The following UBA7 variants were observed in gnomAD, a reference collection of about 807,000 sequenced individuals.
UBA7 encodes ubiquitin like modifier activating enzyme 7, also known as ubiquitin-like modifier-activating enzyme 7.
Under a neutral mutation model 113.0 loss-of-function variants are expected in UBA7, and 88 were observed. The observed-to-expected ratio is 0.78, with a 90% CI of 0.66 to 0.93. UBA7 has a LOEUF of 0.93. UBA7 is among the 40% of genes least tolerant of loss of function. The pLI, the probability that UBA7 is intolerant of heterozygous loss-of-function variation, is 0.00. For synonymous variants in UBA7, 459 were observed against 513.0 expected (o/e 0.89, Z 1.42); for missense variants, 1,092 against 1,266.4 (o/e 0.86, Z 2.09).
At chr3:49,809,920 C>G (rs1463521033) in intron 14 of UBA7, 41 bp from the exon 15 acceptor site, 5 of 1,614,034 alleles carry the variant, frequency 3.1e-6, no homozygotes, top group Non-Finnish European at 4.2e-6. Flanking sequence ...AGGTGGAGAA[C>G]AGGTCTGCAG....
At position 49,809,133 on chromosome 3, in the gene UBA7, T is replaced by C. The variant is rs2081500976; in HGVS notation, c.2190A>G (p.Ala730=). 1 of 1,612,780 alleles carries C rather than the reference T, an allele frequency of 6.2e-7. No homozygotes were observed. The highest frequency in any genetic ancestry group is 1.3e-5 in the African/African-American group (1 of 74,922). Residue 730 remains alanine (A), a synonymous_variant, in exon 18 of 24, where the codon GCA becomes GCG. Coordinates refer to ENST00000333486, the MANE Select transcript of UBA7 (RefSeq NM_003335.3). The part of the protein sequence containing the change: ...NQDTHLLYVL[A]AANLYAQMHG... ...GCATCTGGGCATACAGGTTGGCAGC[T>C]GCCAGTACGTAGAGGAGGTGTGTGT...
intron 23 of UBA7, among the ~76,000 whole-genome samples, 154 bp downstream of exon 23, chr3:49,805,743 A>G (rs1575365513): frequency 6.6e-6 from 1 of 151,910 alleles, no homozygotes; most frequent in Non-Finnish European, 1.5e-5. Context: ...CCCTCACCCC[A>G]CCTCCAGCCT....
Position 49,807,805 on chromosome 3 carries a change from G to A in UBA7, c.2646C>T (p.Arg882=), listed in dbSNP as rs2081478874. ...TTTCAGCCAGATGTAGGTAGCTGTG[G>A]CGAAAGGCACTACGAGGCCGTGGCC... The part of the protein sequence containing the change: ...VSGPRPRSAF[R]HSYLHLAENY... The change falls in exon 21 of 24, where the codon CGC becomes CGT. Residue 882 remains arginine (R), a synonymous_variant. Coordinates refer to ENST00000333486, the MANE Select transcript of UBA7 (RefSeq NM_003335.3). The surrounding 1 kb of genome is among the most constrained non-coding windows in gnomAD (Gnocchi z 4.0). The A allele has an allele frequency of 2.5e-6, 4 of 1,614,108 alleles. No homozygotes were observed. The East Asian group carries it at 8.9e-5, about 36-fold the overall frequency.
chr3:49,811,865 C>T lies in UBA7; in HGVS notation c.939+5G>A. Reference sequence around the variant, plus strand: ...GCTGGGGGTGGGAGCAACAGGACTACTCACAGGATCCCAGGGCTGGGGTGG... The same window carrying T: ...GCTGGGGGTGGGAGCAACAGGACTATTCACAGGATCCCAGGGCTGGGGTGG... On this transcript the variant is annotated splice_donor_5th_base_variant and intron_variant, in intron 8 of 23. Coordinates refer to ENST00000333486, the MANE Select transcript of UBA7 (RefSeq NM_003335.3). 4 of 1,613,060 alleles carry T rather than the reference C, an allele frequency of 2.5e-6. No homozygotes were observed. The highest frequency in any genetic ancestry group is 3.4e-6 in the Non-Finnish European group (4 of 1,179,940).
chr3:49,810,003 G>T lies in UBA7; in HGVS notation c.1814C>A (p.Pro605His). Residue 605 changes from proline (P) to histidine (H), a missense_variant, in exon 14 of 24, where the codon CCT becomes CAT. Pro to His is a moderately conservative substitution (Grantham distance 77). Coordinates refer to ENST00000333486, the MANE Select transcript of UBA7 (RefSeq NM_003335.3). This position sits in a 1 kb window ranked among gnomAD's most constrained non-coding sequence, Gnocchi z 5.6. ...CTGCAGGGTGTGCTCGGCTGTGCTA[G>T]GGAAGTACCGCACGGTACAGACAGG... Reference protein sequence around the residue: ...PYPVCTVRYFPSTAEHTLQWA... With the variant: ...PYPVCTVRYFHSTAEHTLQWA... 8.7e-6 allele frequency: 14 copies of T among 1,613,836 alleles called. No individual in the cohort carries two copies. The highest frequency in any genetic ancestry group is 1.2e-5 in the Non-Finnish European group (14 of 1,179,936).
At chr3:49,812,294 T>A in intron 6 of UBA7, 88 bp from the exon 7 acceptor site, 1 of 1,610,704 alleles carries the variant, frequency 6.2e-7, no homozygotes, top group South Asian at 1.1e-5. Flanking sequence ...GTCCCAGACC[T>A]TGCTGCACCT....
intron 8 of UBA7, 158 bp downstream of exon 8, chr3:49,811,712 A>T: frequency 2.2e-6 from 3 of 1,333,432 alleles, no homozygotes; most frequent in Non-Finnish European, 3.1e-6. Flanking sequence ...AGGAGTCCCC[A>T]GGATGTGTGC....
At position 49,810,916 on chromosome 3, in the gene UBA7, G is replaced by T; in HGVS notation, c.1230+68C>A. 6.2e-7 allele frequency: 1 copy of T among 1,608,568 alleles called. No individual in the cohort carries two copies. The highest frequency in any genetic ancestry group is 8.5e-7 in the Non-Finnish European group (1 of 1,175,102). On this transcript the variant is annotated intron_variant, in intron 10 of 23. Coordinates refer to ENST00000333486, the MANE Select transcript of UBA7 (RefSeq NM_003335.3). The surrounding 1 kb of genome is among the most constrained non-coding windows in gnomAD (Gnocchi z 5.6). ...AGTTTTCTGAATCAGGACCTGGAGG[G>T]CATTCCTCATGCTTCTCCCCTAGTC...
Position 49,810,033 on chromosome 3 carries a change from G to A in UBA7, c.1784C>T (p.Pro595Leu). ...GTACCGCACGGTACAGACAGGGTAG[G>A]GGGCATCCTCAGAAGCTGCAGCTGA... ...PASAAASEDA[P>L]YPVCTVRYFP... The change falls in exon 14 of 24, where the codon CCC (proline) becomes CTC (leucine). Residue 595 changes from proline to leucine, a missense_variant. By Grantham distance (98) the Pro-to-Leu change is moderately conservative. Coordinates refer to ENST00000333486, the MANE Select transcript of UBA7 (RefSeq NM_003335.3). The surrounding 1 kb of genome is among the most constrained non-coding windows in gnomAD (Gnocchi z 5.6). 6.2e-7 allele frequency: 1 copy of A among 1,613,792 alleles called. No homozygotes were observed. The highest frequency in any genetic ancestry group is 2.2e-5 in the East Asian group (1 of 44,874).
rs143528501 is a variant in UBA7 at position 49,809,628 on chromosome 3, C to T, written c.2002G>A (p.Asp668Asn). The part of the protein sequence containing the change: ...VLRVRPQNWQ[D>N]CVAWALGHWK... ...TGGCCAAGAGCCCACGCCACACAGT[C>T]TTGCCAGTTCTGTGGACGCACTCTC... is the stretch of plus-strand genomic sequence containing the variant. Residue 668 changes from aspartate (D) to asparagine (N), a missense_variant, in exon 16 of 24, where the codon GAC becomes AAC. Transcript: ENST00000333486. 1.1e-4 allele frequency: 185 copies of T among 1,614,010 alleles called. No individual in the cohort carries two copies. The highest frequency in any genetic ancestry group is 1.5e-4 in the Non-Finnish European group (180 of 1,180,048).
Position 49,813,275 on chromosome 3 carries a change from T to G in UBA7, c.334A>C (p.Thr112Pro). 1.2e-6 allele frequency: 2 copies of G among 1,614,132 alleles called. No homozygotes were observed. The change falls in exon 3 of 24, where the codon ACT becomes CCT. Residue 112 changes from threonine to proline, a missense_variant. Coordinates refer to ENST00000333486, the MANE Select transcript of UBA7 (RefSeq NM_003335.3). ...TGGAAGTCCAACAGCAGGTCCTCAG[T>G]GATGTCACCCGTGTGCACGACGACC... ...VQVVVHTGDI[T>P]EDLLLDFQVV...
rs748041125 is a variant in UBA7 at position 49,805,900 on chromosome 3, A to AG, written c.2905dup (p.Leu969ProfsTer29). 6.4e-7 allele frequency: 1 copy of AG among 1,552,826 alleles called. No individual in the cohort carries two copies. The highest frequency in any genetic ancestry group is 2.4e-5 in the East Asian group (1 of 41,042). ...CTAAAGCCCCAAGTGGGCTCACCTGAGGGGCAGGTGCTGGGCCTGCTTTTC... is the reference window on the plus strand; with the variant it reads ...CTAAAGCCCCAAGTGGGCTCACCTGAGGGGGCAGGTGCTGGGCCTGCTTTTC... On this transcript the variant is annotated frameshift_variant, in exon 23 of 24. Transcript: ENST00000333486. LOFTEE classifies it high-confidence loss of function.
rs562428220 is a variant in UBA7, at chr3:49,813,306, A to G, written c.303T>C (p.Ala101=). 2 of 1,614,198 alleles carry G rather than the reference A, an allele frequency of 1.2e-6. No homozygotes were observed. Among genetic ancestry groups the G allele is most frequent in the Admixed American group, 1.7e-5 (1 of 60,028 alleles). Residue 101 remains alanine (A), a synonymous_variant, in exon 3 of 24, where the codon GCT becomes GCC. Coordinates refer to ENST00000333486, the MANE Select transcript of UBA7 (RefSeq NM_003335.3). The stretch of plus-strand genomic sequence containing the variant: ...CACCCGTGTGCACGACGACCTGGAC[A>G]GCTCTGTTGAGCTGAGCCAAGAGCT... ...SQELLAQLNR[A]VQVVVHTGDI... is the part of the protein sequence containing the mutation.
chr3:49,807,960 A>G lies in UBA7; in HGVS notation c.2524-33T>C. 3 of 1,613,736 alleles carry G rather than the reference A, an allele frequency of 1.9e-6. No individual in the cohort carries two copies. The highest frequency in any genetic ancestry group is 2.5e-6 in the Non-Finnish European group (3 of 1,179,678). Reference sequence around the variant, plus strand: ...GGACAAGAGATTTGGTCTGGGCCCAAGGCGTAGGGCCAGGGTTTGCCCTCC... The same window carrying G: ...GGACAAGAGATTTGGTCTGGGCCCAGGGCGTAGGGCCAGGGTTTGCCCTCC... On this transcript the variant is annotated intron_variant, in intron 20 of 23. Transcript: ENST00000333486. The surrounding 1 kb of genome is among the most constrained non-coding windows in gnomAD (Gnocchi z 4.0).
chr3:49,812,795 G>C (rs1050730828), intron 4 of UBA7, 57 bp from the exon 5 acceptor site: 17 of 1,581,060 alleles, frequency 1.1e-5, no homozygotes, highest in Middle Eastern at 1.7e-4. Context: ...TTAAGGATAG[G>C]GGATACTAGG....
chr3:49,805,655 G>C (rs1282703698), intron 23 of UBA7, among the ~76,000 whole-genome samples: 1 of 152,158 alleles, frequency 6.6e-6, no homozygotes, highest in Non-Finnish European at 1.5e-5. Context: ...GCTGTGAAAG[G>C]GGGGCTGTGC....
In UBA7 at chr3:49,807,845, T is replaced by C. The variant is rs1232018783; in HGVS notation, c.2606A>G (p.Tyr869Cys). ...AVAGLLGLELYKVVSGPRPRS... is the reference protein window; with the variant it reads ...AVAGLLGLELCKVVSGPRPRS... ...AGGCCGTGGCCCACTCACCACCTTA[T>C]ACAGCTCCAGGCCCAACAGGCCTGC... The change falls in exon 21 of 24, where the codon TAT becomes TGT. Residue 869 changes from tyrosine (Y) to cysteine (C), a missense_variant. Physicochemically the swap from Tyr to Cys is radical, Grantham distance 194 (BLOSUM62 -2). Transcript: ENST00000333486. The surrounding 1 kb of genome is among the most constrained non-coding windows in gnomAD (Gnocchi z 4.0). 1.2e-6 allele frequency: 2 copies of C among 1,613,994 alleles called. No individual in the cohort carries two copies. The highest frequency in any genetic ancestry group is 2.2e-5 in the East Asian group (1 of 44,882).
Position 49,811,992 on chromosome 3 carries a change from G to A in UBA7, c.817C>T (p.Gln273Ter), listed in dbSNP as rs13071187. ...RHKSLDTALL[Q>*]PHVVAQSSQE... ...GAGCTCTGGGCCACCACATGGGGCT[G>A]GAGCAGGGCTGTGTCCAGGGACTTC... Residue 273 changes from glutamine to a stop codon, truncating the protein, a stop_gained, in exon 8 of 24, where the codon CAG becomes TAG. Transcript: ENST00000333486. LOFTEE classifies it high-confidence loss of function. 2.5e-6 allele frequency: 4 copies of A among 1,614,106 alleles called. No homozygotes were observed. Among genetic ancestry groups the A allele is most frequent in the African/African-American group, 1.3e-5 (1 of 74,934 alleles).
rs1228673977 is a variant in UBA7, at chr3:49,805,238, A to C, written c.*70T>G. The stretch of plus-strand genomic sequence containing the variant: ...TTTAACAAGCATTTATTGAGTGCCT[A>C]CTGTGGGCTTACAATGCAGGGCTTG... On this transcript the variant is annotated 3_prime_UTR_variant, in exon 24 of 24. Transcript: ENST00000333486. 12 of 1,471,046 alleles carry C rather than the reference A, an allele frequency of 8.2e-6. No individual in the cohort carries two copies. The African/African-American group carries it at 8.3e-5, about 10-fold the overall frequency. 91.1% of individuals were successfully genotyped at this position (1,471,046 alleles called of 1,614,324 possible).
Sources: allele counts gnomAD v4.1 joint callset (sites outside exome capture counted in the v4.1 genomes callset), GRCh38; gene constraint gnomAD v4.1.1; non-coding constraint Gnocchi (gnomAD v3.1); transcripts MANE v1.5; gene names NCBI Gene and HGNC (gene_info 2026-07-23, HGNC 2026-07-21).